The following ATP6V1C1 variants were observed in gnomAD, a reference collection of about 807,000 sequenced individuals.
ATP6V1C1 encodes ATPase H+ transporting V1 subunit C1.
Under a neutral mutation model 53.9 loss-of-function variants are expected in ATP6V1C1, and 45 were observed. The observed-to-expected ratio is 0.83, with a 90% CI of 0.66 to 1.07. The LOEUF (loss-of-function observed/expected upper bound fraction) is 1.07. Ranked by LOEUF, ATP6V1C1 falls within the 50% of genes least tolerant of loss-of-function variation. The pLI is 0.00. For missense variants in ATP6V1C1, 315 were observed against 440.3 expected, an observed-to-expected ratio of 0.72 and a Z score of 2.55; for synonymous variants, 153 against 155.2, an observed-to-expected ratio of 0.99 and a Z score of 0.11.
intron 4 of ATP6V1C1, among the ~76,000 whole-genome samples, chr8:103,049,982 C>T (rs1563606196): frequency 6.6e-6 from 1 of 151,848 alleles, no homozygotes; most frequent in Admixed American, 6.6e-5. Context: ...AAGGATATAA[C>T]CCTTTATAAC....
At chr8:103,059,997 A>G (rs1484370560) in intron 8 of ATP6V1C1, among the ~76,000 whole-genome samples, 3 of 146,220 alleles carry the variant, frequency 2.1e-5, no homozygotes, top group Non-Finnish European at 4.5e-5. Context: ...TTTGAGACAC[A>G]GTCTCTCTCA....
At chr8:103,024,381 A>T (rs926624828) in intron 1 of ATP6V1C1, among the ~76,000 whole-genome samples, 1 of 152,140 alleles carries the variant, frequency 6.6e-6, no homozygotes. Context: ...GGGCTTCAAA[A>T]ATCTGATTTT....
chr8:103,050,653 G>A (rs1404785895), intron 4 of ATP6V1C1, among the ~76,000 whole-genome samples: 1 of 152,080 alleles, frequency 6.6e-6, no homozygotes, highest in Non-Finnish European at 1.5e-5. Flanking sequence ...TAACAGACAA[G>A]TTTATTTTCA....
intron 3 of ATP6V1C1, among the ~76,000 whole-genome samples, chr8:103,042,768 A>C (rs1817023822): frequency 6.6e-6 from 1 of 152,168 alleles, no homozygotes; most frequent in East Asian, 1.9e-4. Flanking sequence ...ATTAGCAGTC[A>C]CTTACCGTCC....
chr8:103,023,906 G>C (rs559297824), intron 1 of ATP6V1C1, among the ~76,000 whole-genome samples: 2 of 110,194 alleles, frequency 1.8e-5, no homozygotes, highest in Non-Finnish European at 4.2e-5. Flanking sequence ...ATTTTTTTTT[G>C]GGGGGGGGGA....
At chr8:103,035,478 A>G (rs918587997) in intron 1 of ATP6V1C1, among the ~76,000 whole-genome samples, 4 of 152,204 alleles carry the variant, frequency 2.6e-5, no homozygotes, top group African/African-American at 9.7e-5. Flanking sequence ...AGAGGAAAAT[A>G]TGTTATAAAA....
chr8:103,031,502 A>G (rs1459784976), intron 1 of ATP6V1C1, among the ~76,000 whole-genome samples: 1 of 152,180 alleles, frequency 6.6e-6, no homozygotes, highest in African/African-American at 2.4e-5. Context: ...AGCAAGAGTC[A>G]GGGGGAAGGT....
At position 103,072,433 on chromosome 8, in the gene ATP6V1C1, T is replaced by C. The variant is rs768928769; in HGVS notation, c.*3686T>C. The C allele has an allele frequency of 2.6e-5, 4 of 152,218 alleles. No individual in the cohort carries two copies. The highest frequency in any genetic ancestry group is 1.9e-4 in the East Asian group (1 of 5,196). 9.4% of individuals were successfully genotyped at this position (152,218 alleles called of 1,614,324 possible). On this transcript the variant is annotated 3_prime_UTR_variant, in exon 13 of 13. Coordinates refer to ENST00000518738, the MANE Select transcript of ATP6V1C1 (RefSeq NM_001695.5). ...GCTTATAATGAAAACCTTGCCTGCC[T>C]TTATAAAAAATGTGATTATCTTCTT...
At chr8:103,038,523 T>G (rs1816938723) in intron 1 of ATP6V1C1, among the ~76,000 whole-genome samples, 1 of 152,144 alleles carries the variant, frequency 6.6e-6, no homozygotes, top group Non-Finnish European at 1.5e-5. Flanking sequence ...CCAGAAAAAA[T>G]CTTTCACAGA....
chr8:103,043,361 C>T (rs999665381), intron 3 of ATP6V1C1, among the ~76,000 whole-genome samples: 16 of 152,074 alleles, frequency 1.1e-4, no homozygotes, highest in Middle Eastern at 3.4e-3. Flanking sequence ...CTCGCTCTGT[C>T]GCCCAGGCTG....
At chr8:103,027,754 T>A (rs1816723964) in intron 1 of ATP6V1C1, among the ~76,000 whole-genome samples, 1 of 151,874 alleles carries the variant, frequency 6.6e-6, no homozygotes, top group South Asian at 2.1e-4. Context: ...TAGAAGTGCC[T>A]ACAGAATTGA....
chr8:103,066,590 A>G (rs1817495245), intron 12 of ATP6V1C1, 143 bp downstream of exon 12: 6 of 946,714 alleles, frequency 6.3e-6, no homozygotes, highest in Non-Finnish European at 8.9e-6. Flanking sequence ...TTGTTATGTA[A>G]ACATAGTAAT....
intron 1 of ATP6V1C1, among the ~76,000 whole-genome samples, chr8:103,027,873 C>G (rs1051157770): frequency 6.6e-6 from 1 of 152,016 alleles, no homozygotes; most frequent in East Asian, 1.9e-4. Context: ...CCTGCCTGCT[C>G]GTAAGACCTG....
chr8:103,066,597 T>A, intron 12 of ATP6V1C1, 150 bp downstream of exon 12: 2 of 886,332 alleles, frequency 2.3e-6, no homozygotes, highest in Middle Eastern at 3.6e-4. Flanking sequence ...GTAAACATAG[T>A]AATTTACATT....
At chr8:103,052,297 T>A (rs1442216188) in intron 5 of ATP6V1C1, among the ~76,000 whole-genome samples, 2 of 152,122 alleles carry the variant, frequency 1.3e-5, no homozygotes, top group East Asian at 3.8e-4. Context: ...ATGAATAAAT[T>A]CAACTATAAT....
intron 8 of ATP6V1C1, among the ~76,000 whole-genome samples, chr8:103,061,868 C>T (rs934862910): frequency 2.0e-5 from 3 of 152,196 alleles, no homozygotes; most frequent in Admixed American, 2.0e-4. Context: ...ATAAGGACTT[C>T]TATACAGGAG....
chr8:103,066,516 A>G, intron 12 of ATP6V1C1, 69 bp downstream of exon 12: 2 of 1,448,852 alleles, frequency 1.4e-6, no homozygotes, highest in Non-Finnish European at 1.8e-6. Flanking sequence ...TTGAAAGAAG[A>G]TAGACAGAAA....
At chr8:103,024,780 T>C (rs965436518) in intron 1 of ATP6V1C1, among the ~76,000 whole-genome samples, 1 of 152,250 alleles carries the variant, frequency 6.6e-6, no homozygotes, top group African/African-American at 2.4e-5. Context: ...GAGTGATTCT[T>C]GGAACTAGAA....
At chr8:103,038,075 A>G (rs968496629) in intron 1 of ATP6V1C1, among the ~76,000 whole-genome samples, 2 of 152,150 alleles carry the variant, frequency 1.3e-5, no homozygotes, top group Non-Finnish European at 2.9e-5. Flanking sequence ...TTAGTGGCTT[A>G]AAACAGTGAT....
Sources: gnomAD v4.1 joint callset for allele counts (sites outside exome capture counted in the v4.1 genomes callset) on GRCh38, gnomAD v4.1.1 for gene constraint, MANE v1.5 for transcripts, NCBI Gene and HGNC (gene_info 2026-07-23, HGNC 2026-07-21) for gene names.